The following DCC variants were observed in gnomAD, a reference collection of about 807,000 sequenced individuals.
DCC encodes DCC netrin 1 receptor.
In DCC, 58 loss-of-function variants were observed where a neutral mutation model predicts 172.5. That is an observed-to-expected ratio of 0.34 (90% CI 0.27 to 0.42). The LOEUF (loss-of-function observed/expected upper bound fraction) is 0.42, where lower values mean the gene tolerates loss of function less well. DCC is among the 10% of genes least tolerant of loss of function. The probability of loss-of-function intolerance (pLI) is 1.00; values close to 1 mark genes in which losing one functional copy is unlikely to be tolerated. For synonymous variants in DCC, 709 were observed against 644.5 expected, an observed-to-expected ratio of 1.10 and a Z score of -1.52; for missense variants, 1,740 against 1,791.0, an observed-to-expected ratio of 0.97 and a Z score of 0.51.
chr18:52,789,114 A>G (rs1236444468), intron 2 of DCC, among the ~76,000 whole-genome samples: 1 of 152,174 alleles, frequency 6.6e-6, no homozygotes, highest in Non-Finnish European at 1.5e-5. Flanking sequence ...TATTCCCCAC[A>G]CTAAAGCTCT....
intron 1 of DCC, among the ~76,000 whole-genome samples, chr18:52,635,862 T>G (rs1057463981): frequency 6.6e-6 from 1 of 152,160 alleles, no homozygotes; most frequent in African/African-American, 2.4e-5. Flanking sequence ...AGGACTAGAA[T>G]GCACCTCTAG....
intron 1 of DCC, among the ~76,000 whole-genome samples, chr18:52,632,292 AAT>A (rs2034691991): frequency 9.2e-5 from 14 of 152,154 alleles, no homozygotes; most frequent in Middle Eastern, 3.2e-3. Flanking sequence ...GGACTATGTC[AAT>A]TTTTGCTCAT....
chr18:52,594,920 A>G (rs375895489), intron 1 of DCC, among the ~76,000 whole-genome samples: 7 of 152,146 alleles, frequency 4.6e-5, no homozygotes, highest in African/African-American at 1.7e-4. Context: ...TCAACATGAG[A>G]TTTGGGCAGT....
At chr18:53,445,640 T>C (rs1220985580) in intron 22 of DCC, among the ~76,000 whole-genome samples, 1 of 152,200 alleles carries the variant, frequency 6.6e-6, no homozygotes, top group African/African-American at 2.4e-5. Flanking sequence ...TTTTTGACAG[T>C]CTATAAAATT....
At chr18:52,630,695 C>A (rs922088623) in intron 1 of DCC, among the ~76,000 whole-genome samples, 3 of 151,790 alleles carry the variant, frequency 2.0e-5, no homozygotes, top group Non-Finnish European at 4.4e-5. Context: ...CTTTCACCTG[C>A]TTAGTTAATT....
chr18:53,047,235 GATATATATATATATAT>G (rs70944616), intron 5 of DCC, among the ~76,000 whole-genome samples: 705 of 30,064 alleles, frequency 0.023, 17 homozygotes, highest in East Asian at 0.086. Flanking sequence ...CTGCAGGTAG[GATATATATATATATAT>G]ATATATATAT....
chr18:52,985,681 T>G (rs1177033196), intron 5 of DCC, among the ~76,000 whole-genome samples: 1 of 152,116 alleles, frequency 6.6e-6, no homozygotes, highest in African/African-American at 2.4e-5. Flanking sequence ...TTTTTTTCCC[T>G]TAAAACCATT....
chr18:53,286,869 A>G (rs2144739884), intron 12 of DCC, among the ~76,000 whole-genome samples: 1 of 152,346 alleles, frequency 6.6e-6, no homozygotes, highest in South Asian at 2.1e-4. Context: ...TTCCTTAAAT[A>G]AAGTGTCTAT....
intron 1 of DCC, among the ~76,000 whole-genome samples, chr18:52,412,828 CT>C (rs981488003): frequency 6.6e-6 from 1 of 152,196 alleles, no homozygotes; most frequent in East Asian, 1.9e-4. Context: ...GCAGCAGAAT[CT>C]TTTTTATTCT....
chr18:53,316,161 T>C (rs536193392), intron 13 of DCC, among the ~76,000 whole-genome samples: 50 of 152,304 alleles, frequency 3.3e-4, no homozygotes, highest in African/African-American at 1.2e-3. Context: ...TAGTTTCAGT[T>C]TTTTGCATAT....
At chr18:53,006,064 A>G (rs73958623) in intron 5 of DCC, among the ~76,000 whole-genome samples, 3,523 of 152,270 alleles carry the variant, frequency 0.023, 133 homozygotes, top group African/African-American at 0.077. Context: ...TGTGGTTGCT[A>G]TTTTAGCATT....
At chr18:52,586,082 CAAAAAAAA>C (rs5824949) in intron 1 of DCC, among the ~76,000 whole-genome samples, 1 of 73,226 alleles carries the variant, frequency 1.4e-5, no homozygotes. Flanking sequence ...GACTCCGTCT[CAAAAAAAA>C]AAAAAAAAAA....
At chr18:52,528,914 T>C (rs2032062477) in intron 1 of DCC, among the ~76,000 whole-genome samples, 1 of 152,172 alleles carries the variant, frequency 6.6e-6, no homozygotes, top group South Asian at 2.1e-4. Context: ...TTTGCTACAC[T>C]TGAGTTACAT....
At chr18:53,145,606 T>C (rs1007915277) in intron 7 of DCC, among the ~76,000 whole-genome samples, 1 of 152,206 alleles carries the variant, frequency 6.6e-6, no homozygotes, top group Admixed American at 6.5e-5. Context: ...TTTCTGCTGT[T>C]GATAGATTAC....
chr18:52,381,674 G>A (rs1185126912), intron 1 of DCC, among the ~76,000 whole-genome samples: 1 of 151,994 alleles, frequency 6.6e-6, no homozygotes, highest in Admixed American at 6.6e-5. Flanking sequence ...CTCAACAAAC[G>A]GGATCAATAT....
intron 5 of DCC, among the ~76,000 whole-genome samples, chr18:52,946,017 A>C (rs2040539368): frequency 6.6e-6 from 1 of 152,138 alleles, no homozygotes; most frequent in Non-Finnish European, 1.5e-5. Flanking sequence ...TCTTCAGGTC[A>C]CAGTTCCCCT....
chr18:53,382,826 A>G (rs1907871759), intron 15 of DCC, among the ~76,000 whole-genome samples: 1 of 152,110 alleles, frequency 6.6e-6, no homozygotes, highest in Non-Finnish European at 1.5e-5. Context: ...TTCTTGCTGT[A>G]TTATAGCTCT....
intron 1 of DCC, among the ~76,000 whole-genome samples, chr18:52,697,852 T>C (rs945986430): frequency 4.6e-5 from 7 of 152,208 alleles, no homozygotes; most frequent in Non-Finnish European, 7.4e-5. Flanking sequence ...TGATTGAGAA[T>C]CTATTTTGGA....
intron 5 of DCC, among the ~76,000 whole-genome samples, chr18:53,017,773 C>T (rs2041829369): frequency 2.6e-5 from 4 of 152,260 alleles, no homozygotes; most frequent in African/African-American, 7.2e-5. Flanking sequence ...GCAGCAGTAA[C>T]ATCATTTACT....
Sources: gnomAD v4.1 joint callset for allele counts (sites outside exome capture counted in the v4.1 genomes callset) on GRCh38, gnomAD v4.1.1 for gene constraint, MANE v1.5 for transcripts, NCBI Gene and HGNC (gene_info 2026-07-23, HGNC 2026-07-21) for gene names.